SPOCK3: variants seen among roughly 807,000 people sequenced by gnomAD.
SPOCK3 encodes the protein testican-3.
In SPOCK3, 30 loss-of-function variants were observed where a neutral mutation model predicts 56.6. The observed-to-expected ratio is 0.53, with a 90% CI of 0.40 to 0.72. SPOCK3 has a LOEUF of 0.72. Among genes scored for constraint, SPOCK3 ranks in the 30% least tolerant of loss-of-function variants. SPOCK3 has a pLI of 0.00. For synonymous variants in SPOCK3, 196 were observed against 183.3 expected, an observed-to-expected ratio of 1.07 and a Z score of -0.56; for missense variants, 527 against 530.0, an observed-to-expected ratio of 0.99 and a Z score of 0.06.
At position 166,772,831 on chromosome 4, in the gene SPOCK3, A is replaced by T. The variant is rs140950830; in HGVS notation, c.710-18102T>A. On this transcript the variant is annotated intron_variant, in intron 7 of 10. Transcript: ENST00000357545. ...TTTTGAGACAGGGTCTTACTCTGTC[A>T]CCCAGGCTGGATGCAGTGGTGTAAT... Among the ~76,000 whole-genome samples, 573 of 152,176 alleles carry T rather than the reference A, an allele frequency of 3.8e-3. 7 individuals are homozygous for T. The highest frequency in any genetic ancestry group is 0.013 in the African/African-American group (533 of 41,534).
At chr4:167,158,141 T>TAAAAGAATAC (rs1193960049) in intron 2 of SPOCK3, among the ~76,000 whole-genome samples, 1 of 151,936 alleles carries the variant, frequency 6.6e-6, no homozygotes, top group East Asian at 1.9e-4. Flanking sequence ...AATATACATG[T>TAAAAGAATAC]AAAAGAATAC....
At chr4:167,017,173 G>A (rs541711119) in intron 3 of SPOCK3, among the ~76,000 whole-genome samples, 7 of 152,168 alleles carry the variant, frequency 4.6e-5, no homozygotes, top group African/African-American at 1.2e-4. Context: ...GGCAATGCTC[G>A]GAAGAGTGAG....
chr4:166,781,423 AAAAC>A (rs58468799), intron 7 of SPOCK3, among the ~76,000 whole-genome samples: 28,528 of 151,684 alleles, frequency 0.19, 2,736 homozygotes, highest in East Asian at 0.27. Context: ...AGAAGAAAAT[AAAAC>A]AGAGGAGGAG....
chr4:166,863,762 C>G (rs374620467), intron 6 of SPOCK3, among the ~76,000 whole-genome samples: 3 of 152,092 alleles, frequency 2.0e-5, no homozygotes, highest in African/African-American at 7.2e-5. Context: ...GCATCCAATA[C>G]AGGAGCACTC....
chr4:167,196,518 T>C (rs1244848287), intron 2 of SPOCK3, among the ~76,000 whole-genome samples: 1 of 141,294 alleles, frequency 7.1e-6, no homozygotes, highest in Non-Finnish European at 1.6e-5. Context: ...TCTTTCTTTC[T>C]TTTTTTTTTA....
At chr4:167,026,064 A>G (rs1184375800) in intron 3 of SPOCK3, among the ~76,000 whole-genome samples, 1 of 152,110 alleles carries the variant, frequency 6.6e-6, no homozygotes, top group African/African-American at 2.4e-5. Flanking sequence ...CTATGACATC[A>G]CTAGGTGACA....
intron 7 of SPOCK3, among the ~76,000 whole-genome samples, chr4:166,766,655 T>C (rs1738107970): frequency 6.6e-6 from 1 of 152,200 alleles, no homozygotes; most frequent in Non-Finnish European, 1.5e-5. Context: ...TTCTCTTTTT[T>C]TGCTGTGTCT....
intron 4 of SPOCK3, among the ~76,000 whole-genome samples, chr4:166,970,716 CA>C (rs1319386479): frequency 7.0e-6 from 1 of 142,348 alleles, no homozygotes; most frequent in African/African-American, 2.8e-5. Context: ...CAGAGCAAGA[CA>C]CCGTCAAAAA....
intron 6 of SPOCK3, among the ~76,000 whole-genome samples, chr4:166,861,575 C>A (rs1731249595): frequency 6.6e-6 from 1 of 152,014 alleles, no homozygotes; most frequent in Admixed American, 6.6e-5. Context: ...AAATAAATTT[C>A]CTTTGTAGTG....
chr4:167,105,775 A>C (rs1760073681), intron 2 of SPOCK3, among the ~76,000 whole-genome samples: 1 of 151,932 alleles, frequency 6.6e-6, no homozygotes, highest in Non-Finnish European at 1.5e-5. Flanking sequence ...ACACATATAG[A>C]TTGAAGATAA....
chr4:167,180,361 C>A (rs1731347064), intron 2 of SPOCK3, among the ~76,000 whole-genome samples: 2 of 152,058 alleles, frequency 1.3e-5, no homozygotes, highest in South Asian at 4.1e-4. Context: ...TTGAGGAATG[C>A]CCCCAAAAGC....
intron 2 of SPOCK3, among the ~76,000 whole-genome samples, chr4:167,186,499 C>T (rs1453373027): frequency 8.6e-5 from 13 of 150,714 alleles, no homozygotes; most frequent in Admixed American, 2.6e-4. Context: ...TGGTGGTGGG[C>T]GCCTGTAATC....
At chr4:167,223,085 AATAT>A (rs1181057142) in intron 2 of SPOCK3, among the ~76,000 whole-genome samples, 2 of 107,540 alleles carry the variant, frequency 1.9e-5, no homozygotes, top group African/African-American at 8.0e-5. Flanking sequence ...TTTATATATG[AATAT>A]ATATTTTATA....
chr4:166,915,532 G>A (rs909482103), intron 4 of SPOCK3, among the ~76,000 whole-genome samples: 4 of 152,110 alleles, frequency 2.6e-5, no homozygotes, highest in East Asian at 1.9e-4. Flanking sequence ...ATATATACAC[G>A]GAAATCATCT....
Position 166,950,606 on chromosome 4 carries a change from C to G in SPOCK3, c.351-37863G>C, listed in dbSNP as rs200726882. Among the ~76,000 whole-genome samples, 508 of 151,116 alleles carry G rather than the reference C, an allele frequency of 3.4e-3. 12 individuals are homozygous for G. The East Asian group carries it at 0.063, about 19-fold the overall frequency. On this transcript the variant is annotated intron_variant, in intron 4 of 10. Coordinates refer to ENST00000357545, the MANE Select transcript of SPOCK3 (RefSeq NM_001040159.2). ...GGACCTAATAGACATCTAAAGAACTCTCCACCCCAAATCAACAGAATATAC... is the reference window on the plus strand; with the variant it reads ...GGACCTAATAGACATCTAAAGAACTGTCCACCCCAAATCAACAGAATATAC...
chr4:167,082,823 A>AAGGAAGG (rs1757844622), intron 2 of SPOCK3, among the ~76,000 whole-genome samples: 1 of 143,256 alleles, frequency 7.0e-6, no homozygotes, highest in South Asian at 2.5e-4. Context: ...GAGGGAGGGA[A>AAGGAAGG]GACAGAGGGA....
intron 2 of SPOCK3, among the ~76,000 whole-genome samples, chr4:167,142,637 A>C (rs1763629775): frequency 6.6e-6 from 1 of 152,002 alleles, no homozygotes; most frequent in African/African-American, 2.4e-5. Context: ...ACCTCATTGA[A>C]AACCGAACTA....
intron 2 of SPOCK3, among the ~76,000 whole-genome samples, chr4:167,179,795 G>C (rs558695079): frequency 7.9e-5 from 12 of 152,228 alleles, no homozygotes; most frequent in Non-Finnish European, 1.8e-4. Flanking sequence ...TTTTAGGCAT[G>C]TCTCTTAGGA....
At chr4:166,744,976 T>C (rs1357207263) in intron 8 of SPOCK3, among the ~76,000 whole-genome samples, 3 of 151,780 alleles carry the variant, frequency 2.0e-5, no homozygotes. Context: ...CTCCAAGAAA[T>C]ATGGGACTAT....
Sources: allele counts gnomAD v4.1 joint callset (sites outside exome capture counted in the v4.1 genomes callset), GRCh38; gene constraint gnomAD v4.1.1; transcripts MANE v1.5; gene names NCBI Gene and HGNC (gene_info 2026-07-23, HGNC 2026-07-21).